The following PHACTR1 variants were observed in gnomAD, a reference collection of about 807,000 sequenced individuals.
PHACTR1 encodes the protein RPEL repeat containing 1.
In PHACTR1, 16 loss-of-function variants were observed where a neutral mutation model predicts 69.2. The ratio of observed to expected loss-of-function variants is 0.23; its 90% CI spans 0.16 to 0.35. The LOEUF is 0.35. Among genes scored for constraint, PHACTR1 ranks in the 10% least tolerant of loss-of-function variants. The pLI is 1.00. For missense variants in PHACTR1, 510 were observed against 734.7 expected, an observed-to-expected ratio of 0.69 and a Z score of 3.54; for synonymous variants, 312 against 284.5, an observed-to-expected ratio of 1.10 and a Z score of -0.97.
chr6:13,256,952 G>A (rs1775269581), intron 10 of PHACTR1, among the ~76,000 whole-genome samples: 1 of 152,146 alleles, frequency 6.6e-6, no homozygotes, highest in South Asian at 2.1e-4. Flanking sequence ...TATCTTTATA[G>A]CAATACCCTA....
chr6:13,256,998 C>T (rs565553192), intron 10 of PHACTR1, among the ~76,000 whole-genome samples: 2 of 152,278 alleles, frequency 1.3e-5, no homozygotes, highest in South Asian at 4.2e-4. Context: ...AGCCTTTTCT[C>T]GAACTGCTAC....
At chr6:13,034,602 TG>T (rs763731607) in intron 4 of PHACTR1, among the ~76,000 whole-genome samples, 1 of 152,170 alleles carries the variant, frequency 6.6e-6, no homozygotes, top group Non-Finnish European at 1.5e-5. Context: ...TTCCTGTTAC[TG>T]GTATTAGGGT....
intron 4 of PHACTR1, among the ~76,000 whole-genome samples, chr6:12,952,096 G>GCAA (rs934885148): frequency 2.0e-5 from 3 of 152,170 alleles, no homozygotes; most frequent in Admixed American, 2.0e-4. Context: ...GTGCTTTAGA[G>GCAA]CAGTTTTAGG....
intron 10 of PHACTR1, among the ~76,000 whole-genome samples, chr6:13,243,689 A>G (rs1773179461): frequency 6.6e-6 from 1 of 152,216 alleles, no homozygotes; most frequent in Non-Finnish European, 1.5e-5. Flanking sequence ...TTTGTCACCC[A>G]GGTAATAAGC....
chr6:13,013,521 G>A (rs1015676983), intron 4 of PHACTR1, among the ~76,000 whole-genome samples: 1 of 152,246 alleles, frequency 6.6e-6, no homozygotes, highest in Non-Finnish European at 1.5e-5. Context: ...GAGCTCTTGA[G>A]AGTGAAGGTA....
intron 4 of PHACTR1, among the ~76,000 whole-genome samples, chr6:12,915,520 A>AG (rs1491231503): frequency 6.8e-6 from 1 of 146,174 alleles, no homozygotes; most frequent in Non-Finnish European, 1.5e-5. Flanking sequence ...AAAAAAAAAA[A>AG]GAAAAAAAAA....
chr6:13,219,031 G>C (rs1367944894), intron 8 of PHACTR1, among the ~76,000 whole-genome samples: 1 of 152,108 alleles, frequency 6.6e-6, no homozygotes, highest in Non-Finnish European at 1.5e-5. Context: ...CAAAAAGAAG[G>C]CTTGGTAAAG....
intron 7 of PHACTR1, among the ~76,000 whole-genome samples, chr6:13,191,839 T>C (rs1317335346): frequency 6.6e-6 from 1 of 152,254 alleles, no homozygotes; most frequent in Non-Finnish European, 1.5e-5. Context: ...GATTTTACTT[T>C]TTATACTCAC....
intron 8 of PHACTR1, among the ~76,000 whole-genome samples, chr6:13,220,558 C>T (rs986411346): frequency 6.6e-6 from 1 of 152,192 alleles, no homozygotes; most frequent in South Asian, 2.1e-4. Context: ...CATAAGCTCT[C>T]TCTGTTACCT....
At chr6:13,244,353 C>T (rs1263515367) in intron 10 of PHACTR1, among the ~76,000 whole-genome samples, 6 of 152,274 alleles carry the variant, frequency 3.9e-5, no homozygotes, top group East Asian at 1.9e-4. Context: ...AATGAAGTTT[C>T]GGGCACCATT....
intron 9 of PHACTR1, among the ~76,000 whole-genome samples, 188 bp from the exon 10 acceptor site, chr6:13,229,849 C>T (rs1770524995): frequency 6.6e-6 from 1 of 152,222 alleles, no homozygotes; most frequent in Non-Finnish European, 1.5e-5. Context: ...TGTCCATGTG[C>T]CCCACACAGT....
chr6:13,244,240 G>A (rs1381116266), intron 10 of PHACTR1, among the ~76,000 whole-genome samples: 1 of 152,062 alleles, frequency 6.6e-6, no homozygotes, highest in Non-Finnish European at 1.5e-5. Flanking sequence ...ATAGGTGTCG[G>A]TGACAGACAT....
intron 5 of PHACTR1, among the ~76,000 whole-genome samples, chr6:13,118,076 G>C (rs1377385395): frequency 6.6e-6 from 1 of 152,132 alleles, no homozygotes; most frequent in South Asian, 2.1e-4. Flanking sequence ...TTCAACATTT[G>C]GTCTGTTTCT....
intron 5 of PHACTR1, among the ~76,000 whole-genome samples, chr6:13,149,709 C>T (rs929067435): frequency 1.3e-5 from 2 of 152,088 alleles, no homozygotes; most frequent in Non-Finnish European, 2.9e-5. Context: ...GACAGTGAGC[C>T]CTCAGATTTC....
At chr6:13,109,344 T>C (rs1816654502) in intron 5 of PHACTR1, among the ~76,000 whole-genome samples, 1 of 152,074 alleles carries the variant, frequency 6.6e-6, no homozygotes, top group Non-Finnish European at 1.5e-5. Flanking sequence ...GATAAATTGT[T>C]ATAACTTTTG....
At chr6:13,269,434 T>C (rs148596931) in intron 10 of PHACTR1, among the ~76,000 whole-genome samples, 48 of 152,334 alleles carry the variant, frequency 3.2e-4, no homozygotes, top group African/African-American at 1.1e-3. Flanking sequence ...ATTCAAAGAC[T>C]ACTGCATCCA....
intron 4 of PHACTR1, among the ~76,000 whole-genome samples, chr6:12,958,401 A>G (rs1028284173): frequency 3.9e-5 from 6 of 152,218 alleles, no homozygotes; most frequent in African/African-American, 9.6e-5. Context: ...GAAAAATTGA[A>G]TCCGCAGCTG....
chr6:12,801,881 T>C (rs1267224497), intron 4 of PHACTR1, among the ~76,000 whole-genome samples: 4 of 152,098 alleles, frequency 2.6e-5, no homozygotes, highest in Non-Finnish European at 5.9e-5. Flanking sequence ...CCTTTACTCA[T>C]AGGAATCAGG....
At chr6:12,761,307 G>C (rs998695054) in intron 4 of PHACTR1, among the ~76,000 whole-genome samples, 4 of 152,200 alleles carry the variant, frequency 2.6e-5, no homozygotes, top group Non-Finnish European at 4.4e-5. Context: ...TTCCCCTAAA[G>C]TGTTGCCTTT....
Sources: allele counts gnomAD v4.1 joint callset (sites outside exome capture counted in the v4.1 genomes callset), GRCh38; gene constraint gnomAD v4.1.1; transcripts MANE v1.5; gene names NCBI Gene and HGNC (gene_info 2026-07-23, HGNC 2026-07-21).